The following KSR2 variants were observed in gnomAD, a reference collection of about 807,000 sequenced individuals.
The protein encoded by KSR2 is kinase suppressor of ras 2.
In KSR2, 25 loss-of-function variants were observed where a neutral mutation model predicts 107.8. That is an observed-to-expected ratio of 0.23 (90% CI 0.17 to 0.32). The LOEUF (loss-of-function observed/expected upper bound fraction) is 0.32. KSR2 is among the 10% of genes least tolerant of loss of function. KSR2 has a pLI of 1.00. For missense variants in KSR2, 887 were observed against 1,268.9 expected, an observed-to-expected ratio of 0.70 and a Z score of 4.57; for synonymous variants, 480 against 507.0, an observed-to-expected ratio of 0.95 and a Z score of 0.71.
chr12:117,501,048 T>C (rs995202658), intron 14 of KSR2, among the ~76,000 whole-genome samples: 11 of 152,236 alleles, frequency 7.2e-5, no homozygotes, highest in African/African-American at 2.4e-4. Flanking sequence ...GGGCCAAAAG[T>C]AGCCCAAAGC....
chr12:117,748,025 A>G (rs930801389), intron 4 of KSR2, among the ~76,000 whole-genome samples: 1 of 152,266 alleles, frequency 6.6e-6, no homozygotes, highest in South Asian at 2.1e-4. Flanking sequence ...AGCATTATTC[A>G]CAATAGCTGA....
At chr12:117,881,542 G>A (rs919592997) in intron 1 of KSR2, among the ~76,000 whole-genome samples, 3 of 152,248 alleles carry the variant, frequency 2.0e-5, no homozygotes, top group Non-Finnish European at 4.4e-5. Flanking sequence ...TCAACAGCTA[G>A]AAAGTGACAA....
chr12:117,959,737 C>T (rs142115958), intron 1 of KSR2, among the ~76,000 whole-genome samples: 2,467 of 152,122 alleles, frequency 0.016, 64 homozygotes, highest in African/African-American at 0.057. Context: ...TGGAGACCAG[C>T]CTGAGCAACA....
rs370178880 is a variant in KSR2 at position 117,618,765 on chromosome 12, G to A, written c.1172-36406C>T. On this transcript the variant is annotated intron_variant, in intron 5 of 19. Transcript: ENST00000339824. ...TAAGACGTGCCCTTCACCTTCCACC[G>A]TGATTGTGAGGCCTCCCCAGCCACA... Among the ~76,000 whole-genome samples, 532 of 151,968 alleles carry A rather than the reference G, an allele frequency of 3.5e-3. 2 individuals carry two copies. Among genetic ancestry groups the A allele is most frequent in the African/African-American group, 0.011 (467 of 41,424 alleles).
At chr12:117,482,914 T>C (rs1457346298) in intron 16 of KSR2, among the ~76,000 whole-genome samples, 2 of 152,238 alleles carry the variant, frequency 1.3e-5, no homozygotes, top group East Asian at 1.9e-4. Context: ...TGCAAATACT[T>C]GGGTTGACAG....
rs1255453330 is a variant in KSR2 at position 117,732,509 on chromosome 12, C to T, written c.986+28502G>A. Reference sequence around the variant, plus strand: ...TTCACCATGTTGGCCAGGTTGGTCTCGAACTCCTAACCTCAAGTGATCCGT... The same window carrying T: ...TTCACCATGTTGGCCAGGTTGGTCTTGAACTCCTAACCTCAAGTGATCCGT... On this transcript the variant is annotated intron_variant, in intron 4 of 19. Coordinates refer to ENST00000339824, the MANE Select transcript of KSR2 (RefSeq NM_173598.6). 5.9e-5 allele frequency among the ~76,000 whole-genome samples: 9 copies of T among 152,028 alleles called. 1 individual carries two copies. The highest frequency in any genetic ancestry group is 2.1e-4 in the South Asian group (1 of 4,808).
At chr12:117,753,459 A>G (rs530695303) in intron 4 of KSR2, among the ~76,000 whole-genome samples, 14 of 152,236 alleles carry the variant, frequency 9.2e-5, no homozygotes, top group Non-Finnish European at 7.3e-5. Context: ...TGGTATATAT[A>G]CACTATGGAA....
At chr12:117,727,551 A>T (rs1887483842) in intron 4 of KSR2, among the ~76,000 whole-genome samples, 2 of 151,664 alleles carry the variant, frequency 1.3e-5, no homozygotes, top group Non-Finnish European at 2.9e-5. Context: ...AGGAGGAGGA[A>T]CACACTGAGG....
intron 5 of KSR2, among the ~76,000 whole-genome samples, chr12:117,596,332 C>T (rs1220839724): frequency 6.6e-6 from 1 of 152,076 alleles, no homozygotes; most frequent in Non-Finnish European, 1.5e-5. Flanking sequence ...ATGATTCAAT[C>T]ACCTCTCCCC....
intron 16 of KSR2, among the ~76,000 whole-genome samples, chr12:117,480,052 G>A (rs1872069941): frequency 6.6e-6 from 1 of 151,980 alleles, no homozygotes; most frequent in Non-Finnish European, 1.5e-5. Flanking sequence ...GTGTGTGTGT[G>A]TGTGTGTGTT....
chr12:117,665,542 G>A (rs1036264904), intron 5 of KSR2, among the ~76,000 whole-genome samples: 3 of 152,126 alleles, frequency 2.0e-5, no homozygotes, highest in Non-Finnish European at 4.4e-5. Flanking sequence ...AGCACTCTTC[G>A]GGCCATGGGG....
chr12:117,742,149 A>T (rs1261597789), intron 4 of KSR2, among the ~76,000 whole-genome samples: 1 of 152,200 alleles, frequency 6.6e-6, no homozygotes, highest in Non-Finnish European at 1.5e-5. Flanking sequence ...TCTAATCATA[A>T]GGAAAAAAAC....
intron 14 of KSR2, among the ~76,000 whole-genome samples, chr12:117,503,553 C>T (rs1030930570): frequency 1.3e-5 from 2 of 152,154 alleles, no homozygotes; most frequent in Non-Finnish European, 2.9e-5. Flanking sequence ...AGCCTGAATC[C>T]CTGAGTGACT....
At chr12:117,504,624 T>C (rs987800791) in intron 14 of KSR2, among the ~76,000 whole-genome samples, 5 of 152,278 alleles carry the variant, frequency 3.3e-5, no homozygotes, top group African/African-American at 9.6e-5. Flanking sequence ...TCCAAGGTTC[T>C]TGTGCTTTTG....
chr12:117,772,069 C>T (rs1390724970), intron 3 of KSR2, among the ~76,000 whole-genome samples: 1 of 145,194 alleles, frequency 6.9e-6, no homozygotes, highest in Non-Finnish European at 1.5e-5. Context: ...ACATACACGC[C>T]GTTCCCCCAA....
intron 1 of KSR2, among the ~76,000 whole-genome samples, chr12:117,935,969 CTGCTTTT>C (rs1165257198): frequency 6.6e-6 from 1 of 152,104 alleles, no homozygotes; most frequent in Non-Finnish European, 1.5e-5. Context: ...GAAGCCTGCT[CTGCTTTT>C]TTCTTTTTTC....
At chr12:117,550,756 C>T (rs973644743) in intron 9 of KSR2, among the ~76,000 whole-genome samples, 3 of 152,136 alleles carry the variant, frequency 2.0e-5, no homozygotes, top group African/African-American at 7.2e-5. Context: ...AGGAAACCAG[C>T]CAACAGTAAC....
intron 7 of KSR2, among the ~76,000 whole-genome samples, chr12:117,574,391 C>T (rs1879124607): frequency 6.6e-6 from 1 of 152,122 alleles, no homozygotes; most frequent in Non-Finnish European, 1.5e-5. Flanking sequence ...AAAGACATCC[C>T]TGAGACTGGG....
intron 3 of KSR2, among the ~76,000 whole-genome samples, chr12:117,852,443 A>G (rs1892961294): frequency 6.6e-6 from 1 of 152,004 alleles, no homozygotes. Context: ...TAAATAAATA[A>G]ATAAATAAAA....
Sources: gnomAD v4.1 joint callset for allele counts (sites outside exome capture counted in the v4.1 genomes callset) on GRCh38, gnomAD v4.1.1 for gene constraint, MANE v1.5 for transcripts, NCBI Gene and HGNC (gene_info 2026-07-23, HGNC 2026-07-21) for gene names.